The following APLF variants were observed in gnomAD, a reference collection of about 807,000 sequenced individuals.
APLF encodes the protein aprataxin and PNKP like factor.
Under a neutral mutation model 55.6 loss-of-function variants are expected in APLF, and 61 were observed. The observed-to-expected ratio is 1.10, with a 90% CI of 0.89 to 1.36. APLF has a LOEUF of 1.36. Ranked by LOEUF, APLF falls within the 40% of genes most tolerant of loss-of-function variation. The probability of loss-of-function intolerance (pLI) is 0.00; values close to 1 mark genes in which losing one functional copy is unlikely to be tolerated. For synonymous variants in APLF, 207 were observed against 214.8 expected (o/e 0.96, Z 0.32); for missense variants, 611 against 602.5 (o/e 1.01, Z -0.15).
At chr2:68,500,520 T>C (rs1309343442) in intron 2 of APLF, among the ~76,000 whole-genome samples, 1 of 152,244 alleles carries the variant, frequency 6.6e-6, no homozygotes, top group East Asian at 1.9e-4. Flanking sequence ...AACAATGTTA[T>C]GCCTTTGTAT....
chr2:68,574,742 T>G (rs766771935), intron 9 of APLF, among the ~76,000 whole-genome samples: 9 of 152,242 alleles, frequency 5.9e-5, no homozygotes, highest in Non-Finnish European at 1.0e-4. Context: ...CAAATGAGGC[T>G]TCTTAATAAG....
chr2:68,550,946 G>A (rs1670843140), intron 8 of APLF, among the ~76,000 whole-genome samples: 1 of 151,950 alleles, frequency 6.6e-6, no homozygotes, highest in Admixed American at 6.6e-5. Context: ...TATTTTGAGT[G>A]CCCTTTATTT....
In APLF at chr2:68,529,211, G is replaced by T; in HGVS notation, c.804+2969G>T. 8.0e-7 allele frequency: 1 copy of T among 1,246,252 alleles called. No homozygotes were observed. The highest frequency in any genetic ancestry group is 1.1e-6 in the Non-Finnish European group (1 of 920,664). 77.2% of individuals were successfully genotyped at this position (1,246,252 alleles called of 1,614,324 possible). A position where few individuals can be genotyped will look rare whatever the true frequency, so the allele number is the denominator to read the frequency against. ...AGGCAGGACCCTCTGTGGGGTGCCC[G>T]TGTTCCAAGGGATAAGACACAGCCT... On this transcript the variant is annotated intron_variant, in intron 6 of 9. Transcript: ENST00000303795. This position sits in a 1 kb window ranked among gnomAD's most constrained non-coding sequence, Gnocchi z 4.4.
chr2:68,533,798 G>T (rs1670321140), intron 6 of APLF, among the ~76,000 whole-genome samples: 1 of 152,168 alleles, frequency 6.6e-6, no homozygotes, highest in African/African-American at 2.4e-5. Flanking sequence ...TTAAGGCCTA[G>T]AACTGGAATT....
At chr2:68,544,074 T>C (rs1670632313) in intron 7 of APLF, among the ~76,000 whole-genome samples, 1 of 150,488 alleles carries the variant, frequency 6.6e-6, no homozygotes, top group Non-Finnish European at 1.5e-5. Flanking sequence ...CTCTGCCTCC[T>C]GGGTTCAAGC....
At chr2:68,498,895 G>A (rs901003692) in intron 2 of APLF, among the ~76,000 whole-genome samples, 1 of 151,800 alleles carries the variant, frequency 6.6e-6, no homozygotes, top group African/African-American at 2.4e-5. Flanking sequence ...GGGTGGTTGT[G>A]TTTTTTTATT....
intron 8 of APLF, among the ~76,000 whole-genome samples, chr2:68,554,236 TA>T (rs1489014500): frequency 6.6e-6 from 1 of 152,066 alleles, no homozygotes; most frequent in Non-Finnish European, 1.5e-5. Flanking sequence ...TATACCATAG[TA>T]AAAATAAAGA....
At chr2:68,513,772 T>A in intron 5 of APLF, 92 bp downstream of exon 5, 1 of 1,256,498 alleles carries the variant, frequency 8.0e-7, no homozygotes, top group Non-Finnish European at 1.1e-6. Context: ...ACTAGTTCTA[T>A]AGAGATAGAG....
intron 3 of APLF, 92 bp from the exon 4 acceptor site, chr2:68,512,988 C>A: frequency 8.1e-7 from 1 of 1,227,226 alleles, no homozygotes; most frequent in Non-Finnish European, 1.1e-6. Context: ...TTTGCTAAGT[C>A]TGAGTAAAGG....
rs548460052 is a variant in APLF at position 68,475,823 on chromosome 2, C to A, written c.96+7996C>A. On this transcript the variant is annotated intron_variant, in intron 1 of 9. Coordinates refer to ENST00000303795, the MANE Select transcript of APLF (RefSeq NM_173545.3). ...GCACTGGGAAGATATCTAGATAAGA[C>A]AATTTTATGATTTGTAGATTTCTTT... Among the ~76,000 whole-genome samples the A allele has an allele frequency of 6.6e-3, 998 of 152,006 alleles. 7 individuals are homozygous for A. The highest frequency in any genetic ancestry group is 0.023 in the African/African-American group (950 of 41,438).
chr2:68,467,962 C>G, intron 1 of APLF, 135 bp downstream of exon 1: 3 of 576,244 alleles, frequency 5.2e-6, no homozygotes, highest in Non-Finnish European at 7.7e-6. Flanking sequence ...TTTGGGGCCG[C>G]ACGTTTTTCA....
Position 68,564,333 on chromosome 2 carries a change from GTA to G in APLF, c.1287-3005_1287-3004del, listed in dbSNP as rs1671241343. Among the ~76,000 whole-genome samples, 4 of 152,162 alleles carry G rather than the reference GTA, an allele frequency of 2.6e-5. No individual in the cohort carries two copies. In the South Asian group the frequency reaches 8.3e-4, roughly 32 times the overall value. On this transcript the variant is annotated intron_variant, in intron 8 of 9. Coordinates refer to ENST00000303795, the MANE Select transcript of APLF (RefSeq NM_173545.3). ...TTAGTTATGCTAAACACACAATCTTGTATAGAATCTTTTTTCCAGTTTTCAAA... is the reference window on the plus strand; with the variant it reads ...TTAGTTATGCTAAACACACAATCTTGTAGAATCTTTTTTCCAGTTTTCAAA...
At chr2:68,467,864 C>T in intron 1 of APLF, 37 bp downstream of exon 1, 1 of 1,224,780 alleles carries the variant, frequency 8.2e-7, no homozygotes, top group Non-Finnish European at 1.0e-6. Context: ...CCCCGAGAGC[C>T]GTGGAGTTCC....
intron 9 of APLF, among the ~76,000 whole-genome samples, chr2:68,574,111 T>C (rs1440903674): frequency 1.3e-5 from 2 of 151,584 alleles, no homozygotes; most frequent in Non-Finnish European, 2.9e-5. Context: ...CTTTCTAAGA[T>C]AAATTTACTT....
chr2:68,525,742 CTTTTTTTTT>C (rs386390398), intron 5 of APLF, among the ~76,000 whole-genome samples: 12 of 82,030 alleles, frequency 1.5e-4, no homozygotes, highest in East Asian at 1.1e-3. Flanking sequence ...TTCTTTCTTT[CTTTTTTTTT>C]TTTTTTTTTT....
At chr2:68,513,999 T>G (rs1196441573) in intron 5 of APLF, among the ~76,000 whole-genome samples, 1 of 151,822 alleles carries the variant, frequency 6.6e-6, no homozygotes, top group Non-Finnish European at 1.5e-5. Context: ...TAAGAGGGTT[T>G]AATTTGATTT....
At chr2:68,469,633 G>T (rs191992285) in intron 1 of APLF, among the ~76,000 whole-genome samples, 93 of 152,248 alleles carry the variant, frequency 6.1e-4, no homozygotes, top group Admixed American at 1.8e-3. Context: ...CAAACAAATC[G>T]CCTTGTAGTT....
intron 5 of APLF, chr2:68,515,699 A>AAAGCTTC: frequency 1.0e-6 from 1 of 983,854 alleles, no homozygotes; most frequent in East Asian, 1.1e-4. Context: ...TTAAAATGCT[A>AAAGCTTC]AAGCTTCAAA....
rs914088957 is a variant in APLF at position 68,488,334 on chromosome 2, T to C, written c.97-1856T>C. 4.3e-3 allele frequency among the ~76,000 whole-genome samples: 638 copies of C among 150,006 alleles called. 3 individuals are homozygous for C. The highest frequency in any genetic ancestry group is 0.015 in the African/African-American group (607 of 40,936). On this transcript the variant is annotated intron_variant, in intron 1 of 9. Coordinates refer to ENST00000303795, the MANE Select transcript of APLF (RefSeq NM_173545.3). ...ATGTGTTCTACATTTATTATCTTTT[T>C]TTTTTTTTTTTTTTGAGGCAGGGTC... is the stretch of plus-strand genomic sequence containing the variant.
Sources: allele counts gnomAD v4.1 joint callset (sites outside exome capture counted in the v4.1 genomes callset), GRCh38; gene constraint gnomAD v4.1.1; non-coding constraint Gnocchi (gnomAD v3.1); transcripts MANE v1.5; gene names NCBI Gene and HGNC (gene_info 2026-07-23, HGNC 2026-07-21).